Variants in IFT80 observed in about 807,000 individuals in gnomAD.
IFT80 encodes intraflagellar transport 80, also known as intraflagellar transport protein 80 homolog.
IFT80 carries 79 observed loss-of-function variants against 107.9 expected under a neutral mutation model. The observed-to-expected ratio is 0.73, with a 90% CI of 0.61 to 0.88. The LOEUF (loss-of-function observed/expected upper bound fraction) is 0.88. IFT80 is among the 40% of genes least tolerant of loss of function. IFT80 has a pLI of 0.00. For missense variants in IFT80, 797 were observed against 914.2 expected (o/e 0.87, Z 1.65); for synonymous variants, 299 against 300.9 (o/e 0.99, Z 0.07).
At chr3:160,304,152 A>T (rs1191137369) in intron 10 of IFT80, among the ~76,000 whole-genome samples, 163 bp from the exon 11 acceptor site, 1 of 152,212 alleles carries the variant, frequency 6.6e-6, no homozygotes. Context: ...TTATTCACTT[A>T]TATGTCTGTA....
chr3:160,261,395 T>A (rs968783298), intron 19 of IFT80, among the ~76,000 whole-genome samples: 1 of 150,636 alleles, frequency 6.6e-6, no homozygotes, highest in Non-Finnish European at 1.5e-5. Context: ...ACTGTCTTCA[T>A]AGAGAGATAA....
In IFT80 at chr3:160,280,777, G is replaced by C; in HGVS notation, c.1554C>G (p.Cys518Trp). The change falls in exon 15 of 20, where the codon TGC becomes TGG. Residue 518 changes from cysteine to tryptophan, a missense_variant. Transcript: ENST00000326448. ...MVHTLAWNDTCNILCGLQDTR... is the reference protein window; with the variant it reads ...MVHTLAWNDTWNILCGLQDTR... ...TATCTTGAAGTCCACAAAGGATATT[G>C]CATGTATCGTTCCATGCCAAAGTAT... The C allele has an allele frequency of 2.5e-6, 4 of 1,613,042 alleles. No homozygotes were observed. The highest frequency in any genetic ancestry group is 3.4e-6 in the Non-Finnish European group (4 of 1,179,300).
intron 8 of IFT80, among the ~76,000 whole-genome samples, chr3:160,354,043 A>G (rs969585177): frequency 3.9e-5 from 6 of 152,210 alleles, no homozygotes; most frequent in African/African-American, 1.4e-4. Context: ...CAGATAATAC[A>G]GAATTATTGA....
At chr3:160,351,560 TA>T (rs1720700557) in intron 8 of IFT80, among the ~76,000 whole-genome samples, 1 of 142,506 alleles carries the variant, frequency 7.0e-6, no homozygotes, top group Non-Finnish European at 1.6e-5. Context: ...ATTATATGTA[TA>T]TATATATACA....
At chr3:160,355,125 T>C (rs1376138049) in intron 8 of IFT80, among the ~76,000 whole-genome samples, 2 of 152,242 alleles carry the variant, frequency 1.3e-5, no homozygotes, top group African/African-American at 4.8e-5. Flanking sequence ...TAAATGCTGC[T>C]GAGCTTGGCT....
chr3:160,300,778 A>G lies in IFT80; in HGVS notation c.1315+105T>C, dbSNP rs557505432. 9.4e-5 allele frequency: 80 copies of G among 848,950 alleles called. No homozygotes were observed. In the South Asian group the frequency reaches 1.0e-3, roughly 11 times the overall value. 52.6% of individuals were successfully genotyped at this position (848,950 alleles called of 1,614,324 possible). The stretch of plus-strand genomic sequence containing the variant: ...AGAAAGCTCATAATTCTTTTTCTAT[A>G]AAGCTGATGTACTGGTAGATAAGAA... On this transcript the variant is annotated intron_variant, in intron 12 of 19. Transcript: ENST00000326448.
chr3:160,320,800 A>AT (rs1201695449), intron 8 of IFT80, among the ~76,000 whole-genome samples: 1 of 151,422 alleles, frequency 6.6e-6, no homozygotes, highest in Non-Finnish European at 1.5e-5. Context: ...GTTTTACATT[A>AT]TTTTTTTCCA....
chr3:160,265,035 G>C (rs1713190932), intron 19 of IFT80, among the ~76,000 whole-genome samples: 1 of 152,064 alleles, frequency 6.6e-6, no homozygotes. Flanking sequence ...AAGTCTTATA[G>C]CACCACGTAC....
intron 8 of IFT80, among the ~76,000 whole-genome samples, chr3:160,336,701 C>T (rs919221976): frequency 2.0e-5 from 3 of 151,910 alleles, no homozygotes; most frequent in Non-Finnish European, 4.4e-5. Context: ...ATATGTTTCA[C>T]CTCAGCTCTA....
chr3:160,379,391 ATAGAT>A (rs1205407543), intron 3 of IFT80, among the ~76,000 whole-genome samples: 4 of 152,206 alleles, frequency 2.6e-5, no homozygotes, highest in Non-Finnish European at 5.9e-5. Context: ...AATATAAACT[ATAGAT>A]TAGATAATAG....
At chr3:160,317,738 A>C (rs1012457030) in intron 9 of IFT80, among the ~76,000 whole-genome samples, 1 of 152,104 alleles carries the variant, frequency 6.6e-6, no homozygotes, top group Non-Finnish European at 1.5e-5. Flanking sequence ...ATGGAGATAC[A>C]ATCAGCCCAG....
In IFT80 at chr3:160,320,525, T is replaced by C. The variant is rs78956650; in HGVS notation, c.778-586A>G. Among the ~76,000 whole-genome samples, 108 of 151,842 alleles carry C rather than the reference T, an allele frequency of 7.1e-4. 1 individual carries two copies. In the East Asian group the frequency reaches 0.017, roughly 24 times the overall value. On this transcript the variant is annotated intron_variant, in intron 8 of 19. Transcript: ENST00000326448. ...TCTAGAGATATCAATAAGCATTAAA[T>C]AGGACAAAAGAGATTCTTGTGTGTG...
intron 18 of IFT80, among the ~76,000 whole-genome samples, chr3:160,272,973 C>T (rs1053830116): frequency 2.6e-5 from 4 of 152,156 alleles, no homozygotes; most frequent in South Asian, 2.1e-4. Context: ...GTAAATACTA[C>T]GTCATTTTAT....
chr3:160,302,228 C>A (rs1164301949), intron 11 of IFT80, among the ~76,000 whole-genome samples: 1 of 151,792 alleles, frequency 6.6e-6, no homozygotes, highest in East Asian at 1.9e-4. Flanking sequence ...GCTATGGAAA[C>A]AAAACAGAAA....
chr3:160,369,271 A>T (rs1470271025), intron 5 of IFT80, among the ~76,000 whole-genome samples: 4 of 151,990 alleles, frequency 2.6e-5, no homozygotes, highest in African/African-American at 9.7e-5. Flanking sequence ...CATTCCTTCA[A>T]TCAAAATACA....
At chr3:160,299,219 G>C in intron 12 of IFT80, 1 of 1,128,300 alleles carries the variant, frequency 8.9e-7, no homozygotes, top group Non-Finnish European at 1.1e-6. Context: ...CTCTTTCTTA[G>C]CCAAAAAGGA....
At chr3:160,330,572 A>G (rs751796872) in intron 8 of IFT80, among the ~76,000 whole-genome samples, 1 of 151,930 alleles carries the variant, frequency 6.6e-6, no homozygotes. Context: ...AGTGTGCATC[A>G]GAGTTACCTA....
At chr3:160,360,733 C>T (rs930712605) in intron 6 of IFT80, among the ~76,000 whole-genome samples, 5 of 152,100 alleles carry the variant, frequency 3.3e-5, no homozygotes, top group African/African-American at 1.2e-4. Context: ...AATTTTCAAC[C>T]CTGAATTTCA....
At chr3:160,393,246 A>G (rs1337865468) in intron 1 of IFT80, among the ~76,000 whole-genome samples, 1 of 152,210 alleles carries the variant, frequency 6.6e-6, no homozygotes, top group Non-Finnish European at 1.5e-5. Flanking sequence ...GTATATTCAA[A>G]TCTGTTCATT....
Sources: allele counts gnomAD v4.1 joint callset (sites outside exome capture counted in the v4.1 genomes callset), GRCh38; gene constraint gnomAD v4.1.1; transcripts MANE v1.5; gene names NCBI Gene and HGNC (gene_info 2026-07-23, HGNC 2026-07-21).